Variants in CRTC2 observed in about 807,000 individuals in gnomAD.
The protein encoded by CRTC2 is CREB regulated transcription coactivator 2, also known as CREB-regulated transcription coactivator 2.
A neutral mutation model predicts 70.9 loss-of-function variants in CRTC2; 25 were observed. The ratio of observed to expected loss-of-function variants is 0.35; its 90% CI spans 0.26 to 0.49. The LOEUF is 0.49. Ranked by LOEUF, CRTC2 falls within the 20% of genes least tolerant of loss-of-function variation. The probability of loss-of-function intolerance (pLI) is 0.98; values close to 1 mark genes in which losing one functional copy is unlikely to be tolerated. For synonymous variants in CRTC2, 330 were observed against 364.1 expected (o/e 0.91, Z 1.07); for missense variants, 737 against 882.6 (o/e 0.83, Z 2.09).
rs1680098129 is a variant in CRTC2 at position 153,947,918 on chromosome 1, G to A, written c.*191C>T. The A allele has an allele frequency of 3.1e-6, 2 of 639,350 alleles. No homozygotes were observed. The highest frequency in any genetic ancestry group is 3.8e-5 in the South Asian group (2 of 53,256). The allele number at this position is 639,350 out of a possible 1,614,324, so 39.6% of individuals were successfully genotyped here. A position where few individuals can be genotyped will look rare whatever the true frequency, so the allele number is the denominator to read the frequency against. On this transcript the variant is annotated 3_prime_UTR_variant, in exon 14 of 14. Transcript: ENST00000368633. ...TAGGCCCTCCCTTGAGTTCCCCCAG[G>A]CCCATCCCTTGCGCAGAATTCAGGG...
chr1:153,951,110 G>A, intron 11 of CRTC2, 150 bp downstream of exon 11: 1 of 896,520 alleles, frequency 1.1e-6, no homozygotes, highest in Non-Finnish European at 1.7e-6. Flanking sequence ...GAGGAGACAA[G>A]ATGGATAAAA....
rs1450185712 is a variant in CRTC2, at chr1:153,951,382, G to A, written c.1282C>T (p.Arg428Cys). ...CTCAGGGGGCTGAGGGGCACACGGC[G>A]GTGGTGGGGGGAGGCCCCAGGGGTA... ...ASTPGASPHH[R>C]RVPLSPLSLL... is the part of the protein sequence containing the mutation. The change falls in exon 11 of 14, where the codon CGC (arginine) becomes TGC (cysteine). Residue 428 changes from arginine (R) to cysteine (C), a missense_variant. Arg to Cys is a radical substitution (Grantham distance 180). This residue lies in a region of CRTC2 where 699 missense variants were observed against 823.7 expected (regional missense o/e 0.85). Transcript: ENST00000368633. 10 of 1,611,078 alleles carry A rather than the reference G, an allele frequency of 6.2e-6. No homozygotes were observed. Among genetic ancestry groups the A allele is most frequent in the South Asian group, 4.4e-5 (4 of 90,830 alleles).
intron 11 of CRTC2, among the ~76,000 whole-genome samples, chr1:153,949,703 G>A (rs187729368): frequency 6.6e-6 from 1 of 152,224 alleles, no homozygotes; most frequent in Admixed American, 6.5e-5. Flanking sequence ...ATAAAAATTA[G>A]CTGGGCATGG....
At chr1:153,954,780 G>A in intron 3 of CRTC2, 93 bp downstream of exon 3, 1 of 1,069,924 alleles carries the variant, frequency 9.3e-7, no homozygotes, top group South Asian at 1.4e-5. Context: ...AGAGAAGGAA[G>A]GGACGCACAA....
intron 11 of CRTC2, among the ~76,000 whole-genome samples, chr1:153,950,858 G>A (rs1363264433): frequency 6.6e-6 from 1 of 152,136 alleles, no homozygotes; most frequent in Non-Finnish European, 1.5e-5. Flanking sequence ...GAACAGAGGA[G>A]GCAAATAAAA....
chr1:153,947,901 CCCTT>C lies in CRTC2; in HGVS notation c.*204_*207del. On this transcript the variant is annotated 3_prime_UTR_variant, in exon 14 of 14. Transcript: ENST00000368633. Reference sequence around the variant, plus strand: ...CAAAGTTACAAGTGCTTTAGGCCCTCCCTTGAGTTCCCCCAGGCCCATCCCTTGC... The same window carrying C: ...CAAAGTTACAAGTGCTTTAGGCCCTCGAGTTCCCCCAGGCCCATCCCTTGC... 1 of 604,216 alleles carries C rather than the reference CCCTT, an allele frequency of 1.7e-6. No individual in the cohort carries two copies. Among genetic ancestry groups the C allele is most frequent in the Non-Finnish European group, 2.9e-6 (1 of 341,750 alleles). 37.4% of individuals were successfully genotyped at this position (604,216 alleles called of 1,614,324 possible).
In CRTC2 at chr1:153,958,567, C is replaced by G; in HGVS notation, c.-70G>C. The G allele has an allele frequency of 6.9e-7, 1 of 1,442,004 alleles. No homozygotes were observed. The highest frequency in any genetic ancestry group is 9.3e-7 in the Non-Finnish European group (1 of 1,079,678). The allele number at this position is 1,442,004 out of a possible 1,614,324, so 89.3% of individuals were successfully genotyped here. ...GGCCTCCGCCGCGGCCTCGGCCCGGCTCCTCCAGCCGTAGCCACCGCCGCC... is the reference window on the plus strand; with the variant it reads ...GGCCTCCGCCGCGGCCTCGGCCCGGGTCCTCCAGCCGTAGCCACCGCCGCC... On this transcript the variant is annotated 5_prime_UTR_variant, in exon 1 of 14. Coordinates refer to ENST00000368633, the MANE Select transcript of CRTC2 (RefSeq NM_181715.3).
At chr1:153,958,300 C>A in intron 1 of CRTC2, 45 bp downstream of exon 1, 1 of 1,593,070 alleles carries the variant, frequency 6.3e-7, no homozygotes, top group Non-Finnish European at 8.5e-7. Flanking sequence ...GTCTCCGCTC[C>A]GTAACTGCTC....
At chr1:153,957,969 G>T in intron 1 of CRTC2, 1 of 985,082 alleles carries the variant, frequency 1.0e-6, no homozygotes, top group Admixed American at 5.0e-5. Context: ...TTACAGACAA[G>T]CAGCCCTCCT....
In CRTC2 at chr1:153,954,260, C is replaced by G; in HGVS notation, c.429G>C (p.Trp143Cys). 1 of 1,611,996 alleles carries G rather than the reference C, an allele frequency of 6.2e-7. No homozygotes were observed. Among genetic ancestry groups the G allele is most frequent in the Non-Finnish European group, 8.5e-7 (1 of 1,178,786 alleles). The change falls in exon 4 of 14, where the codon TGG (tryptophan) becomes TGC (cysteine). Residue 143 changes from tryptophan (W) to cysteine (C), a missense_variant. Coordinates refer to ENST00000368633, the MANE Select transcript of CRTC2 (RefSeq NM_181715.3). ...TGCCCGCCCTGGACACTTACCTTCG[C>G]CAGCTAGACTCTGGGGGAGGAGATA... ...AYLSPPPESS[W>C]RRTMAWGNFP...
chr1:153,957,264 C>G (rs1202547322), intron 1 of CRTC2, among the ~76,000 whole-genome samples: 12 of 151,954 alleles, frequency 7.9e-5, no homozygotes, highest in Non-Finnish European at 2.9e-5. Flanking sequence ...AAAATACAAC[C>G]AGAGTCACAG....
chr1:153,948,854 C>T, intron 12 of CRTC2: 1 of 746,816 alleles, frequency 1.3e-6, no homozygotes, highest in Non-Finnish European at 2.3e-6. Context: ...AGAGCATGTG[C>T]ATGCCAGGAA....
intron 10 of CRTC2, 85 bp downstream of exon 10, chr1:153,951,933 G>A (rs1680344734): frequency 6.6e-7 from 1 of 1,522,058 alleles, no homozygotes; most frequent in South Asian, 1.2e-5. Flanking sequence ...GATCACAGCA[G>A]GATCTCAGGT....
chr1:153,952,202 C>G lies in CRTC2; in HGVS notation c.813G>C (p.Thr271=). 6.2e-7 allele frequency: 1 copy of G among 1,613,252 alleles called. No homozygotes were observed. The highest frequency in any genetic ancestry group is 8.5e-7 in the Non-Finnish European group (1 of 1,179,530). The change falls in exon 10 of 14, where the codon ACG becomes ACC. Residue 271 remains threonine (T), a synonymous_variant. Coordinates refer to ENST00000368633, the MANE Select transcript of CRTC2 (RefSeq NM_181715.3). The part of the protein sequence containing the change: ...NVPVLPPAMN[T]GGSLPDLTNL... Reference sequence around the variant, plus strand: ...TGGTGAGGTCAGGTAGGGAGCCCCCCGTGTTCATGGCAGGTGGGAGGACAG... The same window carrying G: ...TGGTGAGGTCAGGTAGGGAGCCCCCGGTGTTCATGGCAGGTGGGAGGACAG...
chr1:153,958,226 GC>G, intron 1 of CRTC2, 118 bp downstream of exon 1: 2 of 1,437,876 alleles, frequency 1.4e-6, no homozygotes, highest in Non-Finnish European at 1.8e-6. Flanking sequence ...AAACGGCGGC[GC>G]CCGCGTCCCC....
At chr1:153,958,105 A>G in intron 1 of CRTC2, 1 of 1,383,988 alleles carries the variant, frequency 7.2e-7, no homozygotes. Context: ...GCCCACTCCC[A>G]CCTCACGTAC....
Position 153,958,476 on chromosome 1 carries a change from C to G in CRTC2, c.22G>C (p.Gly8Arg), listed in dbSNP as rs759005264. 4.3e-6 allele frequency: 7 copies of G among 1,611,226 alleles called. No individual in the cohort carries two copies. The East Asian group carries it at 8.9e-5, about 21-fold the overall frequency. The change falls in exon 1 of 14, where the codon GGG (glycine) becomes CGG (arginine). Residue 8 changes from glycine (G) to arginine (R), a missense_variant. Around this residue, in one of 3 missense-constraint regions of CRTC2, gnomAD observed 29 missense variants for 25.5 expected, o/e 1.14. Transcript: ENST00000368633. ...GCCGAGGCCGTGGCCGAACCAGGCC[C>G]GTTCGCCCCCGACGTCGCCATCTTC... MATSGAN[G>R]PGSATASASN...
At chr1:153,956,512 C>G (rs1302926608) in intron 1 of CRTC2, among the ~76,000 whole-genome samples, 1 of 152,224 alleles carries the variant, frequency 6.6e-6, no homozygotes, top group Non-Finnish European at 1.5e-5. Context: ...GTTCTAAGAG[C>G]TTCCAGGGTC....
Position 153,951,633 on chromosome 1 carries a change from T to C in CRTC2, c.1031A>G (p.Gln344Arg). 6.2e-7 allele frequency: 1 copy of C among 1,613,574 alleles called. No individual in the cohort carries two copies. Among genetic ancestry groups the C allele is most frequent in the Non-Finnish European group, 8.5e-7 (1 of 1,179,802 alleles). The change falls in exon 11 of 14, where the codon CAG (glutamine) becomes CGG (arginine). Residue 344 changes from glutamine (Q) to arginine (R), a missense_variant. Around this residue, in one of 3 missense-constraint regions of CRTC2, gnomAD observed 699 missense variants for 823.7 expected, o/e 0.85. Coordinates refer to ENST00000368633, the MANE Select transcript of CRTC2 (RefSeq NM_181715.3). ...GAGGTTGGGATTGCTTAGGGAGGAC[T>C]GCAGGGATGGGTGGCTGAGAGGTGA... ...LHSPLSHPSLQSSLSNPNLQA... is the reference protein window; with the variant it reads ...LHSPLSHPSLRSSLSNPNLQA...
Sources: gnomAD v4.1 joint callset for allele counts (sites outside exome capture counted in the v4.1 genomes callset) on GRCh38, gnomAD v4.1.1 for gene constraint, gnomAD v4.1.1 regional missense constraint, MANE v1.5 for transcripts, NCBI Gene and HGNC (gene_info 2026-07-23, HGNC 2026-07-21) for gene names.